Variants in PAPPA2 observed in about 807,000 individuals in gnomAD.
PAPPA2 encodes pappalysin-2.
Under a neutral mutation model 176.4 loss-of-function variants are expected in PAPPA2, and 86 were observed. That is an observed-to-expected ratio of 0.49 (90% confidence interval 0.41 to 0.58). The LOEUF (loss-of-function observed/expected upper bound fraction) is 0.58, where lower values mean the gene tolerates loss of function less well. PAPPA2 is among the 20% of genes least tolerant of loss of function. The pLI, the probability that PAPPA2 is intolerant of heterozygous loss-of-function variation, is 0.00. For missense variants in PAPPA2, 2,073 were observed against 2,256.9 expected (o/e 0.92, Z 1.65); for synonymous variants, 809 against 852.2 (o/e 0.95, Z 0.88).
chr1:176,727,105 A>G (rs1661914789), intron 12 of PAPPA2, among the ~76,000 whole-genome samples: 1 of 152,214 alleles, frequency 6.6e-6, no homozygotes, highest in Admixed American at 6.5e-5. Flanking sequence ...CAAAGAGAAG[A>G]TTAATGGAAT....
At chr1:176,649,692 C>T (rs1378104192) in intron 3 of PAPPA2, among the ~76,000 whole-genome samples, 7 of 151,114 alleles carry the variant, frequency 4.6e-5, no homozygotes, top group Non-Finnish European at 7.4e-5. Context: ...GTTTAATTTC[C>T]GTGTGTTTGT....
chr1:176,621,706 G>A (rs981395931), intron 3 of PAPPA2, among the ~76,000 whole-genome samples: 1 of 151,920 alleles, frequency 6.6e-6, no homozygotes, highest in Non-Finnish European at 1.5e-5. Flanking sequence ...ACTACTGTGA[G>A]GAACCTGCTC....
At chr1:176,644,447 A>G (rs1657277166) in intron 3 of PAPPA2, among the ~76,000 whole-genome samples, 1 of 151,802 alleles carries the variant, frequency 6.6e-6, no homozygotes, top group Non-Finnish European at 1.5e-5. Context: ...ACACTTAATT[A>G]TTTTATCAAA....
chr1:176,820,989 G>A (rs1666641578), intron 21 of PAPPA2, among the ~76,000 whole-genome samples: 1 of 152,118 alleles, frequency 6.6e-6, no homozygotes. Flanking sequence ...CAGCTTTTTT[G>A]TATGTGCCTC....
chr1:176,619,508 T>A (rs1462374462), intron 3 of PAPPA2, among the ~76,000 whole-genome samples: 1 of 152,220 alleles, frequency 6.6e-6, no homozygotes, highest in Non-Finnish European at 1.5e-5. Flanking sequence ...TAACAATGTC[T>A]ACTATGGATA....
At chr1:176,621,988 T>C (rs1030171370) in intron 3 of PAPPA2, among the ~76,000 whole-genome samples, 1 of 152,082 alleles carries the variant, frequency 6.6e-6, no homozygotes, top group Admixed American at 6.6e-5. Context: ...CTATTGAGGG[T>C]AATAGAATTA....
At chr1:176,632,678 A>G (rs995627740) in intron 3 of PAPPA2, among the ~76,000 whole-genome samples, 1 of 152,218 alleles carries the variant, frequency 6.6e-6, no homozygotes, top group African/African-American at 2.4e-5. Flanking sequence ...AAGGGAATAA[A>G]CAGAGCTTCT....
intron 3 of PAPPA2, among the ~76,000 whole-genome samples, chr1:176,644,596 A>C (rs185165556): frequency 2.6e-4 from 40 of 151,930 alleles, no homozygotes; most frequent in Non-Finnish European, 2.9e-5. Context: ...CAATATGGCA[A>C]TATGCACCAT....
chr1:176,472,372 A>G (rs907690293), intron 1 of PAPPA2, among the ~76,000 whole-genome samples: 12 of 152,170 alleles, frequency 7.9e-5, no homozygotes, highest in Admixed American at 7.9e-4. Context: ...AATTTGTCCC[A>G]TCTTTGGCCA....
At chr1:176,832,553 A>C (rs957265024) in intron 21 of PAPPA2, among the ~76,000 whole-genome samples, 3 of 151,888 alleles carry the variant, frequency 2.0e-5, no homozygotes, top group African/African-American at 4.8e-5. Flanking sequence ...GGGTTTCTTC[A>C]TGTTGGCTAG....
At chr1:176,715,379 C>G (rs1033343272) in intron 12 of PAPPA2, among the ~76,000 whole-genome samples, 1 of 152,098 alleles carries the variant, frequency 6.6e-6, no homozygotes, top group Non-Finnish European at 1.5e-5. Context: ...GAAGCACAGC[C>G]CCCTTCTAAA....
chr1:176,525,953 C>T (rs1477314454), intron 1 of PAPPA2, among the ~76,000 whole-genome samples: 1 of 152,110 alleles, frequency 6.6e-6, no homozygotes, highest in Non-Finnish European at 1.5e-5. Flanking sequence ...AGGTGGGCTG[C>T]TAGGATCTGT....
At chr1:176,842,146 G>A (rs931939461) in intron 22 of PAPPA2, among the ~76,000 whole-genome samples, 1 of 152,126 alleles carries the variant, frequency 6.6e-6, no homozygotes, top group Non-Finnish European at 1.5e-5. Flanking sequence ...GGTAGTTTCT[G>A]TTGTCCTCCC....
chr1:176,494,463 T>C (rs1289744390), intron 1 of PAPPA2, among the ~76,000 whole-genome samples: 2 of 152,338 alleles, frequency 1.3e-5, no homozygotes, highest in East Asian at 3.9e-4. Context: ...AACAGTATTC[T>C]GTTGCATTTT....
At chr1:176,582,516 G>A (rs1280208464) in intron 2 of PAPPA2, among the ~76,000 whole-genome samples, 1 of 152,068 alleles carries the variant, frequency 6.6e-6, no homozygotes, top group Non-Finnish European at 1.5e-5. Context: ...TATTATTAAA[G>A]GATGTTGAAT....
intron 1 of PAPPA2, among the ~76,000 whole-genome samples, chr1:176,476,633 G>A (rs1425626243): frequency 1.3e-5 from 2 of 152,168 alleles, no homozygotes; most frequent in African/African-American, 2.4e-5. Flanking sequence ...TGCAAAGCTA[G>A]CACTTTGGAC....
chr1:176,507,454 A>G (rs561902701), intron 1 of PAPPA2, among the ~76,000 whole-genome samples: 1 of 152,316 alleles, frequency 6.6e-6, no homozygotes, highest in Middle Eastern at 3.4e-3. Flanking sequence ...CTAAAGGAAA[A>G]TAGATCATTA....
chr1:176,784,878 G>A (rs1203117675), intron 17 of PAPPA2, among the ~76,000 whole-genome samples: 4 of 152,050 alleles, frequency 2.6e-5, no homozygotes, highest in Admixed American at 2.6e-4. Context: ...GAGCCACCGC[G>A]CCCGGCCAGA....
intron 3 of PAPPA2, among the ~76,000 whole-genome samples, chr1:176,602,473 T>G (rs561431629): frequency 6.6e-6 from 1 of 152,200 alleles, no homozygotes; most frequent in African/African-American, 2.4e-5. Flanking sequence ...CCTGGATGCT[T>G]TGGATTAGCT....
Sources: allele counts gnomAD v4.1 joint callset (sites outside exome capture counted in the v4.1 genomes callset), GRCh38; gene constraint gnomAD v4.1.1; transcripts MANE v1.5; gene names NCBI Gene and HGNC (gene_info 2026-07-23, HGNC 2026-07-21).